BTBD9: variants seen among roughly 807,000 people sequenced by gnomAD.
BTBD9 encodes BTB/POZ domain-containing protein 9.
A neutral mutation model predicts 64.3 loss-of-function variants in BTBD9; 49 were observed. That is an observed-to-expected ratio of 0.76 (90% CI 0.61 to 0.97). The LOEUF (loss-of-function observed/expected upper bound fraction) is 0.97, where lower values mean the gene tolerates loss of function less well. Ranked by LOEUF, BTBD9 falls within the 50% of genes least tolerant of loss-of-function variation. The pLI, the probability that BTBD9 is intolerant of heterozygous loss-of-function variation, is 0.00. For missense variants in BTBD9, 598 were observed against 762.1 expected (o/e 0.78, Z 2.53); for synonymous variants, 260 against 274.7 (o/e 0.95, Z 0.53).
At chr6:38,186,965 A>G (rs938267194) in intron 10 of BTBD9, among the ~76,000 whole-genome samples, 1 of 152,252 alleles carries the variant, frequency 6.6e-6, no homozygotes, top group Non-Finnish European at 1.5e-5. Flanking sequence ...AAAAAGAAAC[A>G]GGCGTAGCTT....
chr6:38,623,175 G>A (rs1350483595), intron 1 of BTBD9, among the ~76,000 whole-genome samples: 3 of 152,076 alleles, frequency 2.0e-5, no homozygotes, highest in Non-Finnish European at 4.4e-5. Flanking sequence ...TTCTTCTTAT[G>A]TGGAATGTCA....
intron 6 of BTBD9, among the ~76,000 whole-genome samples, chr6:38,425,191 C>T (rs958737668): frequency 1.3e-5 from 2 of 150,700 alleles, no homozygotes; most frequent in African/African-American, 2.5e-5. Context: ...CAGCAACCTC[C>T]GCCTCCCAAG....
At chr6:38,628,422 G>A (rs769479923) in intron 1 of BTBD9, among the ~76,000 whole-genome samples, 1 of 152,078 alleles carries the variant, frequency 6.6e-6, no homozygotes, top group Non-Finnish European at 1.5e-5. Flanking sequence ...TTTTCACAAA[G>A]GTATGGGCTA....
intron 6 of BTBD9, among the ~76,000 whole-genome samples, chr6:38,434,998 C>A (rs1429725357): frequency 6.6e-6 from 1 of 151,874 alleles, no homozygotes; most frequent in Admixed American, 6.5e-5. Flanking sequence ...AGTTCGAGAC[C>A]AGCCTGACCA....
At chr6:38,400,630 T>A (rs1007332149) in intron 6 of BTBD9, among the ~76,000 whole-genome samples, 4 of 152,122 alleles carry the variant, frequency 2.6e-5, no homozygotes, top group African/African-American at 7.2e-5. Context: ...CCTTTTTCAT[T>A]CACTCCAATC....
chr6:38,389,812 T>A (rs1766333264), intron 6 of BTBD9, among the ~76,000 whole-genome samples: 1 of 152,174 alleles, frequency 6.6e-6, no homozygotes, highest in South Asian at 2.1e-4. Context: ...ATTTTACAGG[T>A]TATATTTTCT....
intron 10 of BTBD9, among the ~76,000 whole-genome samples, chr6:38,187,883 C>T (rs914870422): frequency 2.6e-5 from 4 of 152,194 alleles, no homozygotes; most frequent in Admixed American, 6.5e-5. Flanking sequence ...GATGGAATGC[C>T]GCAGGAAATC....
chr6:38,529,863 T>C (rs9366964), intron 6 of BTBD9, among the ~76,000 whole-genome samples: 11,486 of 152,016 alleles, frequency 0.076, 1,028 homozygotes, highest in East Asian at 0.23. Flanking sequence ...AAGAACAGAA[T>C]AACAGCGATT....
chr6:38,399,460 T>C (rs1766830969), intron 6 of BTBD9, among the ~76,000 whole-genome samples: 1 of 152,194 alleles, frequency 6.6e-6, no homozygotes, highest in Admixed American at 6.5e-5. Flanking sequence ...TTTGTGTCAA[T>C]AAAATGAGTC....
rs116557255 is a variant in BTBD9 at position 38,468,174 on chromosome 6, C to T, written c.1154+109426G>A. 3.8e-4 allele frequency among the ~76,000 whole-genome samples: 58 copies of T among 152,286 alleles called. 1 individual carries two copies. Among genetic ancestry groups the T allele is most frequent in the Admixed American group, 1.4e-3 (22 of 15,290 alleles). ...GATTACAGGTGTAAACCACCATGCC[C>T]AGTCCCCCAGCACATCCTTCTAAAG... On this transcript the variant is annotated intron_variant, in intron 6 of 10. Coordinates refer to ENST00000481247, the MANE Select transcript of BTBD9 (RefSeq NM_001099272.2).
intron 8 of BTBD9, among the ~76,000 whole-genome samples, chr6:38,277,531 A>C (rs187894099): frequency 8.5e-5 from 13 of 152,162 alleles, no homozygotes; most frequent in Admixed American, 2.0e-4. Flanking sequence ...ACAATGTTTC[A>C]TCATGTTGGC....
rs560324309 is a variant in BTBD9 at position 38,319,200 on chromosome 6, G to A, written c.1264+25784C>T. ...TAGAGTAGGTCCAGAAATGTTGTCC[G>A]AGAGCCAAGACCTGGAATTGAGGAC... On this transcript the variant is annotated intron_variant, in intron 7 of 10. Transcript: ENST00000481247. 3.3e-5 allele frequency among the ~76,000 whole-genome samples: 5 copies of A among 152,252 alleles called. No individual in the cohort carries two copies. The South Asian group carries it at 8.3e-4, about 25-fold the overall frequency.
At chr6:38,530,452 G>C (rs1487301103) in intron 6 of BTBD9, among the ~76,000 whole-genome samples, 8 of 152,146 alleles carry the variant, frequency 5.3e-5, no homozygotes, top group African/African-American at 1.9e-4. Context: ...TTGCTGGTCT[G>C]AGACTCAGGT....
At chr6:38,224,139 G>T (rs957701703) in intron 9 of BTBD9, among the ~76,000 whole-genome samples, 1 of 152,098 alleles carries the variant, frequency 6.6e-6, no homozygotes. Flanking sequence ...CTTGAGCCTG[G>T]GAGGCAAAGG....
chr6:38,595,344 A>AT (rs1348957589), intron 2 of BTBD9, among the ~76,000 whole-genome samples: 2 of 152,146 alleles, frequency 1.3e-5, no homozygotes, highest in African/African-American at 2.4e-5. Context: ...GATTACAGTG[A>AT]TTTTTTATTT....
chr6:38,532,277 G>A (rs757169957), intron 6 of BTBD9, among the ~76,000 whole-genome samples: 3 of 152,170 alleles, frequency 2.0e-5, no homozygotes, highest in Admixed American at 6.5e-5. Flanking sequence ...TGCCAATCCC[G>A]GCAGTCAGAA....
At chr6:38,454,461 A>AAG (rs1195771877) in intron 6 of BTBD9, among the ~76,000 whole-genome samples, 1 of 147,654 alleles carries the variant, frequency 6.8e-6, no homozygotes, top group African/African-American at 2.5e-5. Flanking sequence ...CCCTATATTT[A>AAG]ATTATCTTAA....
chr6:38,241,207 G>A (rs9380726), intron 9 of BTBD9, among the ~76,000 whole-genome samples: 15,608 of 152,162 alleles, frequency 0.1, 1,198 homozygotes, highest in East Asian at 0.45. Context: ...AAAAAAGAAC[G>A]ATATAAACAA....
At chr6:38,385,770 T>TTGTTTTTA (rs1486117824) in intron 6 of BTBD9, among the ~76,000 whole-genome samples, 1 of 151,054 alleles carries the variant, frequency 6.6e-6, no homozygotes, top group Admixed American at 6.6e-5. Context: ...ACAAGCAAAC[T>TTGTTTTTA]ATTAGAGATT....
Sources: gnomAD v4.1 joint callset for allele counts (sites outside exome capture counted in the v4.1 genomes callset) on GRCh38, gnomAD v4.1.1 for gene constraint, MANE v1.5 for transcripts, NCBI Gene and HGNC (gene_info 2026-07-23, HGNC 2026-07-21) for gene names.